Variants in CAMTA1 observed in about 807,000 individuals in gnomAD.
The protein encoded by CAMTA1 is calmodulin-binding transcription activator 1.
CAMTA1 carries 27 observed loss-of-function variants against 170.9 expected under a neutral mutation model. The ratio of observed to expected loss-of-function variants is 0.16; its 90% confidence interval spans 0.12 to 0.22. The LOEUF (loss-of-function observed/expected upper bound fraction) is 0.22. CAMTA1 is among the 10% of genes least tolerant of loss of function. The pLI, the probability that CAMTA1 is intolerant of heterozygous loss-of-function variation, is 1.00. For missense variants in CAMTA1, 1,619 were observed against 2,217.2 expected, an observed-to-expected ratio of 0.73 and a Z score of 5.42; for synonymous variants, 833 against 891.5, an observed-to-expected ratio of 0.93 and a Z score of 1.17.
At chr1:7,493,479 AGG>A (rs1254956194) in intron 6 of CAMTA1, among the ~76,000 whole-genome samples, 40 of 152,264 alleles carry the variant, frequency 2.6e-4, no homozygotes, top group Admixed American at 5.2e-4. Context: ...ACATATAAAC[AGG>A]CGTGCACACA....
chr1:6,887,901 C>G lies in CAMTA1; in HGVS notation c.234+62691C>G. 3 of 1,377,402 alleles carry G rather than the reference C, an allele frequency of 2.2e-6. No individual in the cohort carries two copies. Among genetic ancestry groups the G allele is most frequent in the South Asian group, 3.1e-5 (2 of 65,340 alleles). The allele number at this position is 1,377,402 out of a possible 1,614,324, so 85.3% of individuals were successfully genotyped here. On this transcript the variant is annotated intron_variant, in intron 3 of 22. Coordinates refer to ENST00000303635, the MANE Select transcript of CAMTA1 (RefSeq NM_015215.4). This position sits in a 1 kb window ranked among gnomAD's most constrained non-coding sequence, Gnocchi z 4.1. ...ATAAAGTGACCTACTCTTGCCTCAT[C>G]CGGAGTTATTACGAAGGAGCTCCGC...
At chr1:6,950,652 C>A (rs1688320642) in intron 3 of CAMTA1, among the ~76,000 whole-genome samples, 1 of 152,144 alleles carries the variant, frequency 6.6e-6, no homozygotes, top group African/African-American at 2.4e-5. Flanking sequence ...TAGTAGGTAT[C>A]CCAGCCAGAA....
chr1:7,175,443 C>T (rs981381211), intron 4 of CAMTA1, among the ~76,000 whole-genome samples: 2 of 152,220 alleles, frequency 1.3e-5, no homozygotes, highest in African/African-American at 2.4e-5. Context: ...GCCACACGCT[C>T]GCATGATAAC....
intron 3 of CAMTA1, among the ~76,000 whole-genome samples, chr1:7,001,744 C>CA (rs1399945839): frequency 6.6e-6 from 1 of 152,228 alleles, no homozygotes; most frequent in Admixed American, 6.5e-5. Context: ...CTAAACACTG[C>CA]ATCACCAACG....
intron 5 of CAMTA1, among the ~76,000 whole-genome samples, chr1:7,436,668 C>T (rs2092357763): frequency 6.6e-6 from 1 of 152,200 alleles, no homozygotes. Flanking sequence ...GGTTCCTGGA[C>T]TTGCCCTTCC....
At chr1:6,820,596 A>G (rs1570447557) in intron 2 of CAMTA1, among the ~76,000 whole-genome samples, 1 of 152,352 alleles carries the variant, frequency 6.6e-6, no homozygotes, top group East Asian at 1.9e-4. Flanking sequence ...GGGAAAAGCC[A>G]CAGGTCATGT....
Position 7,435,479 on chromosome 1 carries a change from G to C in CAMTA1, c.439-32351G>C, listed in dbSNP as rs532567977. On this transcript the variant is annotated intron_variant, in intron 5 of 22. Transcript: ENST00000303635. The surrounding 1 kb of genome is among the most constrained non-coding windows in gnomAD (Gnocchi z 4.4). ...TCCTGTTTTGAAACAGAACCTTCCG[G>C]TTTGTTGAGGGTTGGGTCATCATCC... 6.6e-6 allele frequency among the ~76,000 whole-genome samples: 1 copy of C among 152,306 alleles called. No individual in the cohort carries two copies. The highest frequency in any genetic ancestry group is 6.5e-5 in the Admixed American group (1 of 15,300).
Position 7,562,758 on chromosome 1 carries a change from C to T in CAMTA1, c.511-77642C>T, listed in dbSNP as rs939094927. Among the ~76,000 whole-genome samples, 2 of 152,204 alleles carry T rather than the reference C, an allele frequency of 1.3e-5. No individual in the cohort carries two copies. The highest frequency in any genetic ancestry group is 2.4e-5 in the African/African-American group (1 of 41,440). ...GCATCTGCCGTTAACCCTCGCCAGGCCAGCAGTAGCCCACCCCACTTCTTG... is the reference window on the plus strand; with the variant it reads ...GCATCTGCCGTTAACCCTCGCCAGGTCAGCAGTAGCCCACCCCACTTCTTG... On this transcript the variant is annotated intron_variant, in intron 6 of 22. Transcript: ENST00000303635. The surrounding 1 kb of genome is among the most constrained non-coding windows in gnomAD (Gnocchi z 4.8).
At chr1:7,550,709 C>A (rs1341442674) in intron 6 of CAMTA1, among the ~76,000 whole-genome samples, 1 of 150,790 alleles carries the variant, frequency 6.6e-6, no homozygotes, top group Non-Finnish European at 1.5e-5. Context: ...TCCTCTCCTA[C>A]CTGGCCCCTC....
At chr1:6,945,907 C>T (rs1448424426) in intron 3 of CAMTA1, among the ~76,000 whole-genome samples, 10 of 152,274 alleles carry the variant, frequency 6.6e-5, no homozygotes, top group Non-Finnish European at 1.5e-4. Flanking sequence ...ATTCGTTAGT[C>T]GACGGACAAT....
chr1:6,983,089 C>T (rs1235319267), intron 3 of CAMTA1, among the ~76,000 whole-genome samples: 1 of 152,188 alleles, frequency 6.6e-6, no homozygotes, highest in Non-Finnish European at 1.5e-5. Context: ...CCAGGACTTA[C>T]AGAACATTCC....
At chr1:7,260,977 TGG>T (rs1668077807) in intron 5 of CAMTA1, among the ~76,000 whole-genome samples, 1 of 152,244 alleles carries the variant, frequency 6.6e-6, no homozygotes. Context: ...GAACCTCTGC[TGG>T]TTTGCAGCTT....
At chr1:7,284,165 CTTCTTCTTCTTCTTATTATTATTA>C (rs1232021265) in intron 5 of CAMTA1, among the ~76,000 whole-genome samples, 235 of 117,948 alleles carry the variant, frequency 2.0e-3, no homozygotes, top group African/African-American at 5.9e-3. Flanking sequence ...TCTTCTTCTT[CTTCTTCTTCTTCTTATTATTATTA>C]TTATTATTAT....
intron 5 of CAMTA1, among the ~76,000 whole-genome samples, chr1:7,290,583 T>A (rs1672987062): frequency 6.6e-6 from 1 of 152,164 alleles, no homozygotes; most frequent in Admixed American, 6.5e-5. Context: ...ACCCCCCCCA[T>A]GCACGTATTG....
chr1:7,174,791 C>T (rs1252388040), intron 4 of CAMTA1, among the ~76,000 whole-genome samples: 2 of 152,140 alleles, frequency 1.3e-5, no homozygotes, highest in Admixed American at 6.5e-5. Flanking sequence ...AGAAGCTGGG[C>T]ATCATTGGTG....
At chr1:6,936,006 A>C (rs1457492760) in intron 3 of CAMTA1, among the ~76,000 whole-genome samples, 1 of 152,164 alleles carries the variant, frequency 6.6e-6, no homozygotes, top group African/African-American at 2.4e-5. Flanking sequence ...CTAACTGTTT[A>C]AGGTTATGCG....
chr1:7,029,181 T>C (rs1702438642), intron 3 of CAMTA1, among the ~76,000 whole-genome samples: 1 of 152,224 alleles, frequency 6.6e-6, no homozygotes, highest in East Asian at 1.9e-4. Context: ...ATTGCTCTTA[T>C]GAGCACCATT....
intron 11 of CAMTA1, among the ~76,000 whole-genome samples, chr1:7,691,842 C>A (rs2096316811): frequency 6.6e-6 from 1 of 152,044 alleles, no homozygotes; most frequent in Non-Finnish European, 1.5e-5. Context: ...ATAAGCATGA[C>A]AATATTGCTG....
At position 7,280,238 on chromosome 1, in the gene CAMTA1, C is replaced by T. The variant is rs565643104; in HGVS notation, c.438+30612C>T. Among the ~76,000 whole-genome samples, 227 of 152,368 alleles carry T rather than the reference C, an allele frequency of 1.5e-3. 1 individual carries two copies. Among genetic ancestry groups the T allele is most frequent in the Non-Finnish European group, 2.8e-3 (188 of 68,040 alleles). On this transcript the variant is annotated intron_variant, in intron 5 of 22. Transcript: ENST00000303635. ...CTCATTTCCTTTGCCCCATCTGGCTCGCCAGTCAGCGAGAAGCCCTCTGGT... is the reference window on the plus strand; with the variant it reads ...CTCATTTCCTTTGCCCCATCTGGCTTGCCAGTCAGCGAGAAGCCCTCTGGT...
Sources: gnomAD v4.1 joint callset for allele counts (sites outside exome capture counted in the v4.1 genomes callset) on GRCh38, gnomAD v4.1.1 for gene constraint, Gnocchi (gnomAD v3.1) non-coding constraint, MANE v1.5 for transcripts, NCBI Gene and HGNC (gene_info 2026-07-23, HGNC 2026-07-21) for gene names.